The following POM121C variants were observed in gnomAD, a reference collection of about 807,000 sequenced individuals.
POM121C encodes nuclear envelope pore membrane protein POM 121C.
A neutral mutation model predicts 66.4 loss-of-function variants in POM121C; 20 were observed. The observed-to-expected ratio is 0.30, with a 90% CI of 0.21 to 0.44. POM121C has a LOEUF of 0.44. Among genes scored for constraint, POM121C ranks in the 20% least tolerant of loss-of-function variants. The probability of loss-of-function intolerance (pLI) is 1.00; values close to 1 mark genes in which losing one functional copy is unlikely to be tolerated. For missense variants in POM121C, 580 were observed against 1,225.7 expected (o/e 0.47, Z 7.87); for synonymous variants, 286 against 528.0 (o/e 0.54, Z 6.28).
intron 3 of POM121C, among the ~76,000 whole-genome samples, chr7:75,453,241 A>G (rs1415434923): frequency 6.6e-6 from 1 of 150,790 alleles, no homozygotes; most frequent in Non-Finnish European, 1.5e-5. Flanking sequence ...GACCATCCTC[A>G]GCAATACAGA....
intron 7 of POM121C, among the ~76,000 whole-genome samples, chr7:75,435,344 T>C (rs1250457883): frequency 1.3e-4 from 20 of 152,094 alleles, no homozygotes; most frequent in South Asian, 6.2e-4. Flanking sequence ...TCAGATACAC[T>C]GATACGCATA....
intron 7 of POM121C, among the ~76,000 whole-genome samples, chr7:75,429,182 G>A (rs1790073901): frequency 6.6e-6 from 1 of 152,298 alleles, no homozygotes. Flanking sequence ...ACTGCAGAGG[G>A]AAGGAAAAAC....
chr7:75,442,725 C>A (rs1392548686), intron 3 of POM121C: 13 of 1,359,122 alleles, frequency 9.6e-6, no homozygotes, highest in Non-Finnish European at 1.2e-5. Flanking sequence ...GACATCGCGG[C>A]TCCGCGCCGC....
chr7:75,474,644 T>C, intron 3 of POM121C, 60 bp downstream of exon 3: 1 of 649,740 alleles, frequency 1.5e-6, no homozygotes, highest in Non-Finnish European at 2.7e-6. Context: ...AACAACTCTT[T>C]AGTCACTCCC....
In POM121C at chr7:75,461,434, C is replaced by T. The variant is rs587706622; in HGVS notation, c.-152+13270G>A. 2.0e-5 allele frequency among the ~76,000 whole-genome samples: 3 copies of T among 152,196 alleles called. No individual in the cohort carries two copies. In the East Asian group the frequency reaches 5.8e-4, roughly 29 times the overall value. ...CCTGGGTCATAAAACAAATGTTTTT[C>T]TGAGATGGAGTCTCTTTCTGTCGCC... On this transcript the variant is annotated intron_variant, in intron 3 of 14. Transcript: ENST00000615331.
intron 7 of POM121C, among the ~76,000 whole-genome samples, chr7:75,434,209 G>C (rs6974138): frequency 0.18 from 26,759 of 152,110 alleles, 2,691 homozygotes; most frequent in Middle Eastern, 0.29. Flanking sequence ...CACGGAAACA[G>C]AACTGAAAAT....
intron 3 of POM121C, among the ~76,000 whole-genome samples, chr7:75,453,272 A>T (rs1253475927): frequency 1.4e-5 from 2 of 145,586 alleles, no homozygotes; most frequent in Admixed American, 6.8e-5. Flanking sequence ...CTCTACAAAA[A>T]GTTAAAAAAA....
At chr7:75,439,063 G>A (rs1243306870) in intron 6 of POM121C, 81 bp downstream of exon 6, 12 of 1,491,948 alleles carry the variant, frequency 8.0e-6, no homozygotes, top group Non-Finnish European at 1.0e-5. Context: ...AAAAAACAAA[G>A]AGGAAAATCT....
intron 7 of POM121C, among the ~76,000 whole-genome samples, chr7:75,435,747 A>G (rs1790377934): frequency 6.6e-6 from 1 of 152,232 alleles, no homozygotes. Flanking sequence ...TGACACTGAT[A>G]TTGCTATTTT....
Position 75,417,065 on chromosome 7 carries a change from T to TTGAG in POM121C, c.*1730_*1731insCTCA. 1 of 1,103,596 alleles carries TTGAG rather than the reference T, an allele frequency of 9.1e-7. No homozygotes were observed. The highest frequency in any genetic ancestry group is 1.1e-6 in the Non-Finnish European group (1 of 901,766). The allele number at this position is 1,103,596 out of a possible 1,614,324, so 68.4% of individuals were successfully genotyped here. ...ACATAAGGTACAGGTAGAAGCTTGA[T>TTGAG]TGCTAGGCCCAGGCCCACCCAGACC... On this transcript the variant is annotated 3_prime_UTR_variant, in exon 15 of 15. Coordinates refer to ENST00000615331, the MANE Select transcript of POM121C (RefSeq NM_001099415.3).
intron 3 of POM121C, among the ~76,000 whole-genome samples, chr7:75,463,761 C>T (rs1376606768): frequency 6.6e-5 from 10 of 152,060 alleles, no homozygotes; most frequent in Admixed American, 1.3e-4. Flanking sequence ...GGTGCGATCT[C>T]GGCTCACTGC....
At chr7:75,460,574 A>G (rs1223395008) in intron 3 of POM121C, among the ~76,000 whole-genome samples, 2 of 151,794 alleles carry the variant, frequency 1.3e-5, no homozygotes, top group Non-Finnish European at 2.9e-5. Flanking sequence ...CCCTTCACTA[A>G]AGCAACCACT....
At chr7:75,459,579 G>A (rs1386635068) in intron 3 of POM121C, among the ~76,000 whole-genome samples, 2 of 65,836 alleles carry the variant, frequency 3.0e-5, no homozygotes, top group African/African-American at 6.0e-5. Flanking sequence ...CAGCCTGGGC[G>A]ATGGAGTGAG....
At chr7:75,428,091 C>T (rs1281392295) in intron 7 of POM121C, among the ~76,000 whole-genome samples, 1 of 152,010 alleles carries the variant, frequency 6.6e-6, no homozygotes, top group Middle Eastern at 3.2e-3. Context: ...CACTTCAGAT[C>T]CCTGACACTA....
chr7:75,427,739 C>A (rs1223624134), intron 7 of POM121C, among the ~76,000 whole-genome samples: 7 of 152,170 alleles, frequency 4.6e-5, no homozygotes, highest in Admixed American at 4.6e-4. Context: ...TGATTTCTTA[C>A]CCAGTACCAG....
intron 7 of POM121C, among the ~76,000 whole-genome samples, chr7:75,433,111 T>A (rs1236338577): frequency 6.6e-6 from 1 of 151,526 alleles, no homozygotes; most frequent in Admixed American, 6.6e-5. Context: ...GGCCAGAGCC[T>A]GTAATCCCAA....
intron 1 of POM121C, among the ~76,000 whole-genome samples, chr7:75,480,497 C>A (rs587735136): frequency 6.6e-6 from 1 of 152,078 alleles, no homozygotes; most frequent in Non-Finnish European, 1.5e-5. Context: ...ATCTCATTAA[C>A]ATTTATCAAT....
chr7:75,439,397 T>C (rs1332401486), intron 5 of POM121C, among the ~76,000 whole-genome samples, 173 bp from the exon 6 acceptor site: 1 of 152,230 alleles, frequency 6.6e-6, no homozygotes, highest in Non-Finnish European at 1.5e-5. Context: ...ATTTTTTTTT[T>C]TCAGACAGAG....
chr7:75,468,973 T>C (rs1448962201), intron 3 of POM121C, among the ~76,000 whole-genome samples: 13 of 152,348 alleles, frequency 8.5e-5, no homozygotes, highest in African/African-American at 2.9e-4. Flanking sequence ...CCGCAGTCTT[T>C]GCCAACTCAA....
Sources: gnomAD v4.1 joint callset for allele counts (sites outside exome capture counted in the v4.1 genomes callset) on GRCh38, gnomAD v4.1.1 for gene constraint, MANE v1.5 for transcripts, NCBI Gene and HGNC (gene_info 2026-07-23, HGNC 2026-07-21) for gene names.